DGKI: variants seen among roughly 807,000 people sequenced by gnomAD.
DGKI encodes DAG kinase iota.
DGKI carries 55 observed loss-of-function variants against 147.5 expected under a neutral mutation model. The ratio of observed to expected loss-of-function variants is 0.37; its 90% CI spans 0.30 to 0.47. The LOEUF is 0.47. Ranked by LOEUF, DGKI falls within the 20% of genes least tolerant of loss-of-function variation. The pLI is 1.00. For synonymous variants in DGKI, 469 were observed against 477.1 expected, an observed-to-expected ratio of 0.98 and a Z score of 0.22; for missense variants, 1,007 against 1,323.8, an observed-to-expected ratio of 0.76 and a Z score of 3.71.
chr7:137,670,322 G>A (rs1037233023), intron 3 of DGKI, among the ~76,000 whole-genome samples: 3 of 152,226 alleles, frequency 2.0e-5, no homozygotes, highest in South Asian at 4.1e-4. Context: ...GAAGTGAGCA[G>A]TATCAGCACT....
At chr7:137,425,338 C>T (rs2128908296) in intron 28 of DGKI, among the ~76,000 whole-genome samples, 1 of 152,300 alleles carries the variant, frequency 6.6e-6, no homozygotes, top group South Asian at 2.1e-4. Flanking sequence ...AGCTAAGGGT[C>T]CTGTCTGTTA....
intron 26 of DGKI, among the ~76,000 whole-genome samples, chr7:137,465,332 TA>T (rs1209051839): frequency 2.6e-5 from 4 of 152,218 alleles, no homozygotes; most frequent in Non-Finnish European, 5.9e-5. Context: ...TTAAGTGCTT[TA>T]CCTGTATCAA....
intron 1 of DGKI, among the ~76,000 whole-genome samples, chr7:137,834,269 C>T (rs1798300947): frequency 1.3e-5 from 2 of 152,158 alleles, no homozygotes; most frequent in Non-Finnish European, 2.9e-5. Context: ...TAGATCTCTC[C>T]TCCCCAGCCT....
chr7:137,780,859 T>A (rs1796497723), intron 1 of DGKI, among the ~76,000 whole-genome samples: 1 of 152,212 alleles, frequency 6.6e-6, no homozygotes. Flanking sequence ...AAGCTATTGA[T>A]GTGTTGAGAG....
rs551534392 is a variant in DGKI, at chr7:137,658,025, G to A, written c.607-1485C>T. The stretch of plus-strand genomic sequence containing the variant: ...GCTTGCAGATGCTTTTATCACTCTC[G>A]GATTTCCTCTTCCTGAGGGAAGAAC... On this transcript the variant is annotated intron_variant, in intron 3 of 32. Coordinates refer to ENST00000614521, the MANE Select transcript of DGKI (RefSeq NM_001321708.2). Among the ~76,000 whole-genome samples, 15 of 152,192 alleles carry A rather than the reference G, an allele frequency of 9.9e-5. No homozygotes were observed. The East Asian group carries it at 1.2e-3, about 12-fold the overall frequency.
At chr7:137,687,602 C>G (rs1379762178) in intron 2 of DGKI, among the ~76,000 whole-genome samples, 1 of 152,178 alleles carries the variant, frequency 6.6e-6, no homozygotes, top group African/African-American at 2.4e-5. Context: ...GCTTTTTCCT[C>G]TTTTCTGAAA....
At chr7:137,405,626 A>G (rs551830943) in intron 30 of DGKI, among the ~76,000 whole-genome samples, 1 of 152,268 alleles carries the variant, frequency 6.6e-6, no homozygotes, top group East Asian at 1.9e-4. Context: ...AACCTTTTAA[A>G]TCTGGGCTGG....
At chr7:137,626,480 G>A (rs555546895) in intron 6 of DGKI, among the ~76,000 whole-genome samples, 2 of 152,162 alleles carry the variant, frequency 1.3e-5, no homozygotes, top group East Asian at 3.9e-4. Context: ...GCTTACAAGA[G>A]GACACAGAGT....
intron 6 of DGKI, among the ~76,000 whole-genome samples, chr7:137,624,295 C>T (rs1015498242): frequency 2.0e-5 from 3 of 152,136 alleles, no homozygotes; most frequent in African/African-American, 7.2e-5. Context: ...CTTCCCAAAG[C>T]TCATCCATTT....
intron 1 of DGKI, among the ~76,000 whole-genome samples, chr7:137,721,745 C>T (rs1794563641): frequency 6.6e-6 from 1 of 152,200 alleles, no homozygotes. Context: ...TACAATCTGG[C>T]CATTGCTTAA....
intron 21 of DGKI, among the ~76,000 whole-genome samples, chr7:137,518,780 T>C (rs1489004494): frequency 6.6e-6 from 1 of 152,032 alleles, no homozygotes; most frequent in African/African-American, 2.4e-5. Context: ...ATATCATGTG[T>C]CAGTGAATCT....
chr7:137,769,255 C>T (rs1467865681), intron 1 of DGKI, among the ~76,000 whole-genome samples: 1 of 151,964 alleles, frequency 6.6e-6, no homozygotes, highest in African/African-American at 2.4e-5. Context: ...CAATGGTGGT[C>T]GAGGGTAAAG....
At chr7:137,693,818 G>T (rs1442587874) in intron 1 of DGKI, among the ~76,000 whole-genome samples, 1 of 152,186 alleles carries the variant, frequency 6.6e-6, no homozygotes, top group Non-Finnish European at 1.5e-5. Context: ...GAGAGAGTCA[G>T]AAATCCTTCA....
chr7:137,586,457 G>T (rs981452348), intron 13 of DGKI, among the ~76,000 whole-genome samples: 1 of 151,930 alleles, frequency 6.6e-6, no homozygotes, highest in South Asian at 2.1e-4. Flanking sequence ...TGGTGGGGCT[G>T]TATATGTGTA....
At chr7:137,450,209 T>A (rs552874348) in intron 27 of DGKI, among the ~76,000 whole-genome samples, 1 of 152,234 alleles carries the variant, frequency 6.6e-6, no homozygotes, top group South Asian at 2.1e-4. Flanking sequence ...TTCAGGAGAT[T>A]TATGGTATAG....
chr7:137,592,236 C>T (rs1468287730), intron 12 of DGKI, among the ~76,000 whole-genome samples: 1 of 152,232 alleles, frequency 6.6e-6, no homozygotes, highest in African/African-American at 2.4e-5. Context: ...CACCAGCTCA[C>T]CTAGCACCCT....
At chr7:137,435,713 G>A (rs913432761) in intron 28 of DGKI, among the ~76,000 whole-genome samples, 4 of 152,130 alleles carry the variant, frequency 2.6e-5, no homozygotes, top group East Asian at 3.8e-4. Context: ...GTACTGTGAC[G>A]CTCAGTACAG....
At chr7:137,570,481 T>C (rs866751) in intron 19 of DGKI, among the ~76,000 whole-genome samples, 3,184 of 152,280 alleles carry the variant, frequency 0.021, 110 homozygotes, top group African/African-American at 0.072. Context: ...AAGACGGATA[T>C]CCACAAGTTG....
At position 137,412,294 on chromosome 7, in the gene DGKI, G is replaced by C. The variant is rs1812193470; in HGVS notation, c.2762-87C>G. The C allele has an allele frequency of 3.2e-6, 4 of 1,261,616 alleles. No individual in the cohort carries two copies. In the East Asian group the frequency reaches 9.5e-5, roughly 30 times the overall value. 78.2% of individuals were successfully genotyped at this position (1,261,616 alleles called of 1,614,324 possible). On this transcript the variant is annotated intron_variant, in intron 28 of 32. Transcript: ENST00000614521. Reference sequence around the variant, plus strand: ...AAAGTTGGATCCATATTTTGGATAAGTAGTCTACATTTGGGGCAGGAATCA... The same window carrying C: ...AAAGTTGGATCCATATTTTGGATAACTAGTCTACATTTGGGGCAGGAATCA...
Sources: allele counts gnomAD v4.1 joint callset (sites outside exome capture counted in the v4.1 genomes callset), GRCh38; gene constraint gnomAD v4.1.1; transcripts MANE v1.5; gene names NCBI Gene and HGNC (gene_info 2026-07-23, HGNC 2026-07-21).